ZFYVE1: variants seen among roughly 807,000 people sequenced by gnomAD.
The protein encoded by ZFYVE1 is zinc finger FYVE domain-containing protein 1.
ZFYVE1 carries 30 observed loss-of-function variants against 74.4 expected under a neutral mutation model. The ratio of observed to expected loss-of-function variants is 0.40; its 90% CI spans 0.30 to 0.55. ZFYVE1 has a LOEUF of 0.55. Among genes scored for constraint, ZFYVE1 ranks in the 20% least tolerant of loss-of-function variants. The probability of loss-of-function intolerance (pLI) is 0.42; values close to 1 mark genes in which losing one functional copy is unlikely to be tolerated. For missense variants in ZFYVE1, 703 were observed against 1,011.6 expected, an observed-to-expected ratio of 0.69 and a Z score of 4.14; for synonymous variants, 335 against 385.1, an observed-to-expected ratio of 0.87 and a Z score of 1.52.
chr14:72,997,689 T>C (rs1157386770), intron 3 of ZFYVE1, 122 bp downstream of exon 3: 1 of 1,304,982 alleles, frequency 7.7e-7, no homozygotes, highest in African/African-American at 1.5e-5. Context: ...ACACTTTCTA[T>C]GTCTTCTTTG....
At chr14:72,978,815 G>T (rs981550152) in intron 6 of ZFYVE1, 46 bp downstream of exon 6, 9 of 1,548,428 alleles carry the variant, frequency 5.8e-6, no homozygotes, top group Non-Finnish European at 8.0e-6. Context: ...AGAGAGAGTG[G>T]TCAGCAAGCC....
At chr14:72,990,542 A>T (rs1893583418) in intron 4 of ZFYVE1, among the ~76,000 whole-genome samples, 1 of 150,872 alleles carries the variant, frequency 6.6e-6, no homozygotes, top group Non-Finnish European at 1.5e-5. Flanking sequence ...GATTACAGCC[A>T]CGCACCACCA....
At position 72,973,996 on chromosome 14, in the gene ZFYVE1, A is replaced by G. The variant is rs1321244524; in HGVS notation, c.2101+84T>C. 3.3e-6 allele frequency: 4 copies of G among 1,211,984 alleles called. No individual in the cohort carries two copies. The African/African-American group carries it at 6.0e-5, about 18-fold the overall frequency. 75.1% of individuals were successfully genotyped at this position (1,211,984 alleles called of 1,614,324 possible). On this transcript the variant is annotated intron_variant, in intron 11 of 11. Transcript: ENST00000556143. The stretch of plus-strand genomic sequence containing the variant: ...CCACCCATCTCAATCTAGGTTGGCA[A>G]GCCTTTACAAAGTGACAGCCCAGGG...
chr14:73,013,587 G>A (rs76416552), intron 2 of ZFYVE1, among the ~76,000 whole-genome samples: 10,512 of 150,220 alleles, frequency 0.07, 524 homozygotes, highest in South Asian at 0.19. Flanking sequence ...TGACAAGAGC[G>A]AAACTCCATC....
At chr14:73,023,309 A>G (rs1360458646) in intron 2 of ZFYVE1, among the ~76,000 whole-genome samples, 4 of 117,596 alleles carry the variant, frequency 3.4e-5, no homozygotes, top group South Asian at 2.4e-4. Context: ...TATATTATAT[A>G]TGTTTTATAT....
At chr14:72,972,995 G>A (rs1437972088) in intron 11 of ZFYVE1, among the ~76,000 whole-genome samples, 1 of 152,022 alleles carries the variant, frequency 6.6e-6, no homozygotes, top group East Asian at 1.9e-4. Context: ...GTGAGCCACG[G>A]TGCCCGGCCA....
chr14:73,003,612 G>A, intron 2 of ZFYVE1, among the ~76,000 whole-genome samples: 1 of 152,004 alleles, frequency 6.6e-6, no homozygotes, highest in East Asian at 1.9e-4. Flanking sequence ...CAGGAGGCTG[G>A]GACAGGAGAA....
In ZFYVE1 at chr14:73,015,576, G is replaced by T. The variant is rs953684740; in HGVS notation, c.483+8450C>A. The stretch of plus-strand genomic sequence containing the variant: ...TTTCTGTATTTTTAGTAGACACGGG[G>T]TTTTGCCATGTTAGCCAGGCTGCTC... On this transcript the variant is annotated intron_variant, in intron 2 of 11. Transcript: ENST00000556143. Among the ~76,000 whole-genome samples the T allele has an allele frequency of 2.7e-4, 41 of 152,108 alleles. 1 individual carries two copies. The highest frequency in any genetic ancestry group is 1.3e-4 in the Admixed American group (2 of 15,266).
rs560473713 is a variant in ZFYVE1, at chr14:72,969,596, G to A, written c.*1286C>T. Reference sequence around the variant, plus strand: ...TCATGTCACACCGATAGGCGCACCAGGAATGACCGCCATATACTTCCCTAA... The same window carrying A: ...TCATGTCACACCGATAGGCGCACCAAGAATGACCGCCATATACTTCCCTAA... On this transcript the variant is annotated 3_prime_UTR_variant, in exon 12 of 12. Transcript: ENST00000556143. 2 of 659,320 alleles carry A rather than the reference G, an allele frequency of 3.0e-6. No individual in the cohort carries two copies. Among genetic ancestry groups the A allele is most frequent in the Admixed American group, 4.5e-5 (2 of 44,336 alleles). 40.8% of individuals were successfully genotyped at this position (659,320 alleles called of 1,614,324 possible).
intron 2 of ZFYVE1, among the ~76,000 whole-genome samples, chr14:73,019,108 C>A (rs1437766307): frequency 5.3e-5 from 8 of 152,264 alleles, no homozygotes; most frequent in African/African-American, 1.7e-4. Context: ...CTATAGTACA[C>A]ACTCAAATGA....
intron 4 of ZFYVE1, chr14:72,986,915 G>A (rs188894487): frequency 1.0e-6 from 1 of 985,320 alleles, no homozygotes; most frequent in African/African-American, 1.7e-5. Context: ...ACAGTTTCTT[G>A]GGTTCTCCTC....
intron 2 of ZFYVE1, 127 bp downstream of exon 2, chr14:73,023,899 G>C (rs769373528): frequency 1.5e-6 from 2 of 1,331,636 alleles, no homozygotes; most frequent in Non-Finnish European, 2.0e-6. Flanking sequence ...TGCAACTAAA[G>C]CCTCCAGAGG....
intron 4 of ZFYVE1, among the ~76,000 whole-genome samples, chr14:72,985,060 T>C (rs1288166851): frequency 6.6e-6 from 1 of 152,180 alleles, no homozygotes. Flanking sequence ...CTCTCAAATT[T>C]AAGGCTAACT....
rs1423549500 is a variant in ZFYVE1, at chr14:72,978,229, G to C, written c.1425C>G (p.Cys475Trp). 1 of 1,613,878 alleles carries C rather than the reference G, an allele frequency of 6.2e-7. No individual in the cohort carries two copies. The highest frequency in any genetic ancestry group is 1.7e-5 in the Admixed American group (1 of 60,004). The change falls in exon 7 of 12, where the codon TGC becomes TGG. Residue 475 changes from cysteine to tryptophan, a missense_variant. Transcript: ENST00000556143. ...CACTGACTTCCTCGCCTCTCTCATA[G>C]CAGGCCTGAAACAGGAAACACTCTG... Reference protein sequence around the residue: ...YDNRVYTCKACYERGEEVSVV... With the variant: ...YDNRVYTCKAWYERGEEVSVV...
intron 7 of ZFYVE1, 23 bp downstream of exon 7, chr14:72,978,114 T>C: frequency 6.2e-7 from 1 of 1,614,026 alleles, no homozygotes; most frequent in Non-Finnish European, 8.5e-7. Flanking sequence ...CAGAAAACCT[T>C]GAGCCATGTT....
At chr14:72,985,385 T>G (rs1223908489) in intron 4 of ZFYVE1, among the ~76,000 whole-genome samples, 2 of 152,072 alleles carry the variant, frequency 1.3e-5, no homozygotes, top group Non-Finnish European at 2.9e-5. Context: ...CAGGTTGGAG[T>G]GCAGTGGCAT....
At position 73,008,317 on chromosome 14, in the gene ZFYVE1, AC is replaced by A. The variant is rs935129709; in HGVS notation, c.484-10003del. 5.0e-4 allele frequency among the ~76,000 whole-genome samples: 76 copies of A among 152,048 alleles called. 1 individual carries two copies. The highest frequency in any genetic ancestry group is 1.6e-3 in the African/African-American group (67 of 41,472). Reference sequence around the variant, plus strand: ...TGGGATTACAGGCATGTGCCACCACACCCAGCTAATTTTGTATTTTTAGTAG... The same window carrying A: ...TGGGATTACAGGCATGTGCCACCACACCAGCTAATTTTGTATTTTTAGTAG... On this transcript the variant is annotated intron_variant, in intron 2 of 11. Transcript: ENST00000556143.
chr14:73,017,353 G>A (rs1305639165), intron 2 of ZFYVE1, among the ~76,000 whole-genome samples: 1 of 152,132 alleles, frequency 6.6e-6, no homozygotes, highest in Non-Finnish European at 1.5e-5. Context: ...TGGCCTCTAT[G>A]CACTATCCAG....
At position 73,024,552 on chromosome 14, in the gene ZFYVE1, G is replaced by A; in HGVS notation, c.-44C>T. Reference sequence around the variant, plus strand: ...ACACACCCACCATATAATAGTCACTGAGCTTGCCCCGGGGGTGAAGACGAA... The same window carrying A: ...ACACACCCACCATATAATAGTCACTAAGCTTGCCCCGGGGGTGAAGACGAA... On this transcript the variant is annotated 5_prime_UTR_variant, in exon 2 of 12. Transcript: ENST00000556143. 2 of 1,535,472 alleles carry A rather than the reference G, an allele frequency of 1.3e-6. No individual in the cohort carries two copies. Among genetic ancestry groups the A allele is most frequent in the East Asian group, 2.3e-5 (1 of 44,146 alleles).
Sources: allele counts gnomAD v4.1 joint callset (sites outside exome capture counted in the v4.1 genomes callset), GRCh38; gene constraint gnomAD v4.1.1; transcripts MANE v1.5; gene names NCBI Gene and HGNC (gene_info 2026-07-23, HGNC 2026-07-21).